RBBP9: variants seen among roughly 807,000 people sequenced by gnomAD.
RBBP9 encodes serine hydrolase RBBP9.
A neutral mutation model predicts 24.2 loss-of-function variants in RBBP9; 20 were observed. The ratio of observed to expected loss-of-function variants is 0.83; its 90% CI spans 0.58 to 1.20. RBBP9 has a LOEUF of 1.20. Among genes scored for constraint, RBBP9 ranks in the 50% most tolerant of loss-of-function variants. RBBP9 has a pLI of 0.00. For synonymous variants in RBBP9, 74 were observed against 84.6 expected, an observed-to-expected ratio of 0.87 and a Z score of 0.69; for missense variants, 234 against 233.6, an observed-to-expected ratio of 1.00 and a Z score of -0.01.
intron 3 of RBBP9, among the ~76,000 whole-genome samples, chr20:18,493,683 TCTGTAGAGA>T (rs2059873517): frequency 6.7e-6 from 1 of 150,226 alleles, no homozygotes; most frequent in African/African-American, 2.5e-5. Context: ...AGAAGGAGAG[TCTGTAGAGA>T]CAGAATCAGA....
rs1350023139 is a variant in RBBP9 at position 18,489,570 on chromosome 20, T to C, written c.*194A>G. On this transcript the variant is annotated 3_prime_UTR_variant, in exon 5 of 5. Coordinates refer to ENST00000337227, the MANE Select transcript of RBBP9 (RefSeq NM_006606.3). ...ATGAGGAAAATACTGTGGTAGTTCA[T>C]AGCAATTTGGGGAGTTTTAGAGTCT... is the stretch of plus-strand genomic sequence containing the variant. 4 of 532,378 alleles carry C rather than the reference T, an allele frequency of 7.5e-6. No individual in the cohort carries two copies. Among genetic ancestry groups the C allele is most frequent in the Non-Finnish European group, 1.3e-5 (4 of 299,318 alleles). 33.0% of individuals were successfully genotyped at this position (532,378 alleles called of 1,614,324 possible). A position where few individuals can be genotyped will look rare whatever the true frequency, so the allele number is the denominator to read the frequency against.
At position 18,496,956 on chromosome 20, in the gene RBBP9, CACAGG is replaced by C. The variant is rs565347717; in HGVS notation, c.99+108_99+112del. 1.4e-3 allele frequency: 1,138 copies of C among 840,406 alleles called. 8 individuals carry two copies. Among genetic ancestry groups the C allele is most frequent in the South Asian group, 9.7e-3 (611 of 62,812 alleles). 52.1% of individuals were successfully genotyped at this position (840,406 alleles called of 1,614,324 possible). ...GCAGCGGGGGAGAGGCAGGAAAACA[CACAGG>C]GCTTTGCTAGAGGGGATTAGACGCC... On this transcript the variant is annotated intron_variant, in intron 1 of 4. Coordinates refer to ENST00000337227, the MANE Select transcript of RBBP9 (RefSeq NM_006606.3).
Position 18,490,410 on chromosome 20 carries a change from T to C in RBBP9, c.319A>G (p.Asn107Asp). The C allele has an allele frequency of 6.2e-7, 1 of 1,613,628 alleles. No homozygotes were observed. Among genetic ancestry groups the C allele is most frequent in the Non-Finnish European group, 8.5e-7 (1 of 1,179,542 alleles). ...SAYTSDLGDE[N>D]ERASGYFTRP... Reference sequence around the variant, plus strand: ...TTGGACTTACCACTTGCACGCTCATTTTCATCCCCCAAGTCTGATGTGTAC... The same window carrying C: ...TTGGACTTACCACTTGCACGCTCATCTTCATCCCCCAAGTCTGATGTGTAC... The change falls in exon 4 of 5, where the codon AAT (asparagine) becomes GAT (aspartate). Residue 107 changes from asparagine to aspartate, a missense_variant. Transcript: ENST00000337227.
At chr20:18,494,506 C>T (rs941984863) in intron 2 of RBBP9, among the ~76,000 whole-genome samples, 1 of 151,730 alleles carries the variant, frequency 6.6e-6, no homozygotes, top group Non-Finnish European at 1.5e-5. Flanking sequence ...GCTGAAACCC[C>T]GTCTCTGCTA....
chr20:18,495,646 A>G (rs74982603), intron 2 of RBBP9, among the ~76,000 whole-genome samples, 192 bp downstream of exon 2: 1 of 111,720 alleles, frequency 9.0e-6, no homozygotes, highest in Non-Finnish European at 1.7e-5. Context: ...ACAGAATTGA[A>G]AAAAAAAAAA....
rs750745175 is a variant in RBBP9 at position 18,497,182 on chromosome 20, C to A, written c.-15G>T. On this transcript the variant is annotated 5_prime_UTR_variant, in exon 1 of 5. Coordinates refer to ENST00000337227, the MANE Select transcript of RBBP9 (RefSeq NM_006606.3). ...GGAGAAGCCATGAGTGCAGCGAGGC[C>A]AGAGTTCCCCAGCGCGGGTCCAGCG... The A allele has an allele frequency of 3.2e-5, 51 of 1,597,598 alleles. No individual in the cohort carries two copies. Among genetic ancestry groups the A allele is most frequent in the Non-Finnish European group, 4.0e-5 (47 of 1,165,696 alleles).
At chr20:18,490,018 G>A (rs1461938096) in intron 4 of RBBP9, 28 bp from the exon 5 acceptor site, 1 of 1,505,674 alleles carries the variant, frequency 6.6e-7, no homozygotes, top group Non-Finnish European at 9.1e-7. Context: ...TGATCTTTCA[G>A]TACCCATGGA....
rs887875305 is a variant in RBBP9, at chr20:18,487,969, G to A, written c.*1795C>T. ...CTGTCTCAAAAATAATAATAAGGAC[G>A]TCCACCACACTTTACCTACCAAAAT... On this transcript the variant is annotated 3_prime_UTR_variant, in exon 5 of 5. Transcript: ENST00000337227. The A allele has an allele frequency of 5.9e-5, 9 of 151,976 alleles. No individual in the cohort carries two copies. The highest frequency in any genetic ancestry group is 2.2e-4 in the African/African-American group (9 of 41,384). The allele number at this position is 151,976 out of a possible 1,614,324, so 9.4% of individuals were successfully genotyped here.
intron 2 of RBBP9, among the ~76,000 whole-genome samples, chr20:18,494,281 T>G (rs2059876057): frequency 1.3e-5 from 1 of 77,782 alleles, no homozygotes. Context: ...TTTTCTTTTC[T>G]CTTTTTTTTT....
chr20:18,491,394 T>C (rs979611235), intron 3 of RBBP9, among the ~76,000 whole-genome samples: 11 of 152,210 alleles, frequency 7.2e-5, no homozygotes, highest in African/African-American at 2.7e-4. Flanking sequence ...TTACAGTGCC[T>C]GGCAAGTAGA....
intron 3 of RBBP9, 69 bp from the exon 4 acceptor site, chr20:18,490,549 A>G: frequency 8.6e-7 from 1 of 1,165,740 alleles, no homozygotes; most frequent in Non-Finnish European, 1.3e-6. Flanking sequence ...TCAATAAACT[A>G]CTTAAAAACT....
In RBBP9 at chr20:18,497,158, G is replaced by A; in HGVS notation, c.10C>T (p.Pro4Ser). MAS[P>S]SKAVIVPGNG... Reference sequence around the variant, plus strand: ...CCGGGAACAATCACTGCCTTGCTAGGAGAAGCCATGAGTGCAGCGAGGCCA... The same window carrying A: ...CCGGGAACAATCACTGCCTTGCTAGAAGAAGCCATGAGTGCAGCGAGGCCA... Residue 4 changes from proline to serine, a missense_variant, in exon 1 of 5, where the codon CCT (proline) becomes TCT (serine). By Grantham distance (74) the Pro-to-Ser change is moderately conservative. Transcript: ENST00000337227. The A allele has an allele frequency of 6.2e-7, 1 of 1,613,672 alleles. No individual in the cohort carries two copies. The highest frequency in any genetic ancestry group is 8.5e-7 in the Non-Finnish European group (1 of 1,179,650).
intron 1 of RBBP9, among the ~76,000 whole-genome samples, 153 bp downstream of exon 1, chr20:18,496,916 A>T (rs2059888627): frequency 6.6e-6 from 1 of 152,118 alleles, no homozygotes; most frequent in South Asian, 2.1e-4. Context: ...CCACTAGCTC[A>T]GACTTTAAGA....
In RBBP9 at chr20:18,489,567, T is replaced by C. The variant is rs2059856305; in HGVS notation, c.*197A>G. ...CAAATGAGGAAAATACTGTGGTAGT[T>C]CATAGCAATTTGGGGAGTTTTAGAG... On this transcript the variant is annotated 3_prime_UTR_variant, in exon 5 of 5. Transcript: ENST00000337227. The C allele has an allele frequency of 3.8e-6, 2 of 530,964 alleles. No individual in the cohort carries two copies. The highest frequency in any genetic ancestry group is 6.7e-6 in the Non-Finnish European group (2 of 298,444). 32.9% of individuals were successfully genotyped at this position (530,964 alleles called of 1,614,324 possible). A position where few individuals can be genotyped will look rare whatever the true frequency, so the allele number is the denominator to read the frequency against.
At chr20:18,490,285 G>A (rs1374561381) in intron 4 of RBBP9, 110 bp downstream of exon 4, 8 of 815,850 alleles carry the variant, frequency 9.8e-6, no homozygotes, top group Admixed American at 8.7e-5. Flanking sequence ...TTTCTCATAT[G>A]CTATTAGAAT....
intron 1 of RBBP9, among the ~76,000 whole-genome samples, chr20:18,496,562 G>T (rs1457391091): frequency 1.3e-5 from 2 of 152,112 alleles, no homozygotes; most frequent in East Asian, 3.9e-4. Context: ...AATTCAGGAT[G>T]GCACGGGACT....
In RBBP9 at chr20:18,489,301, G is replaced by C. The variant is rs1472126168; in HGVS notation, c.*463C>G. Reference sequence around the variant, plus strand: ...GCCCTAGTCTGAGTTTAATGTCTGGGGCCAGCTTGAAACAGCAGCTAGTAT... The same window carrying C: ...GCCCTAGTCTGAGTTTAATGTCTGGCGCCAGCTTGAAACAGCAGCTAGTAT... On this transcript the variant is annotated 3_prime_UTR_variant, in exon 5 of 5. Coordinates refer to ENST00000337227, the MANE Select transcript of RBBP9 (RefSeq NM_006606.3). 1 of 153,058 alleles carries C rather than the reference G, an allele frequency of 6.5e-6. No individual in the cohort carries two copies. Among genetic ancestry groups the C allele is most frequent in the African/African-American group, 2.4e-5 (1 of 41,446 alleles). 9.5% of individuals were successfully genotyped at this position (153,058 alleles called of 1,614,324 possible). A position where few individuals can be genotyped will look rare whatever the true frequency, so the allele number is the denominator to read the frequency against.
Position 18,489,571 on chromosome 20 carries a change from A to T in RBBP9, c.*193T>A. 1.9e-6 allele frequency: 1 copy of T among 529,760 alleles called. No individual in the cohort carries two copies. Among genetic ancestry groups the T allele is most frequent in the Non-Finnish European group, 3.4e-6 (1 of 297,830 alleles). The allele number at this position is 529,760 out of a possible 1,614,324, so 32.8% of individuals were successfully genotyped here. A position where few individuals can be genotyped will look rare whatever the true frequency, so the allele number is the denominator to read the frequency against. ...TGAGGAAAATACTGTGGTAGTTCAT[A>T]GCAATTTGGGGAGTTTTAGAGTCTA... On this transcript the variant is annotated 3_prime_UTR_variant, in exon 5 of 5. Coordinates refer to ENST00000337227, the MANE Select transcript of RBBP9 (RefSeq NM_006606.3).
chr20:18,491,188 T>C (rs2059864116), intron 3 of RBBP9, among the ~76,000 whole-genome samples: 1 of 152,258 alleles, frequency 6.6e-6, no homozygotes, highest in African/African-American at 2.4e-5. Context: ...TCAACCCAGA[T>C]GACTCTAATG....
Sources: allele counts gnomAD v4.1 joint callset (sites outside exome capture counted in the v4.1 genomes callset), GRCh38; gene constraint gnomAD v4.1.1; transcripts MANE v1.5; gene names NCBI Gene and HGNC (gene_info 2026-07-23, HGNC 2026-07-21).